Variants in CNBD2 observed in about 807,000 individuals in gnomAD.
CNBD2 encodes cyclic nucleotide binding domain containing 2.
CNBD2 carries 64 observed loss-of-function variants against 63.7 expected under a neutral mutation model. The observed-to-expected ratio is 1.00, with a 90% CI of 0.82 to 1.24. The LOEUF is 1.24. CNBD2 is among the 50% of genes most tolerant of loss of function. The pLI, the probability that CNBD2 is intolerant of heterozygous loss-of-function variation, is 0.00. For missense variants in CNBD2, 691 were observed against 713.5 expected (o/e 0.97, Z 0.36); for synonymous variants, 229 against 255.4 (o/e 0.90, Z 0.99).
In CNBD2 at chr20:35,975,972, A is replaced by G. The variant is rs143262184; in HGVS notation, c.213A>G (p.Thr71=). 7.3e-4 allele frequency: 1,177 copies of G among 1,613,300 alleles called. 22 individuals are homozygous for G. The East Asian group carries it at 0.022, about 30-fold the overall frequency. Residue 71 remains threonine (T), a synonymous_variant, in exon 3 of 12, where the codon ACA becomes ACG. Coordinates refer to ENST00000373973, the MANE Select transcript of CNBD2 (RefSeq NM_001365709.1). ...AGAAAAAGATGCAAAGCCGAGTCAC[A>G]TTTGATACCATGGACTTCATTGCAG... ...FWDKKMQSRV[T]FDTMDFIAEE... is the part of the protein sequence containing the mutation.
chr20:35,992,170 C>T (rs572399113), intron 7 of CNBD2, among the ~76,000 whole-genome samples: 11 of 152,150 alleles, frequency 7.2e-5, no homozygotes, highest in South Asian at 4.2e-4. Flanking sequence ...CATGAACCAC[C>T]GCGCCTGGCG....
chr20:36,027,366 C>T (rs561043011), intron 11 of CNBD2, among the ~76,000 whole-genome samples: 2 of 152,272 alleles, frequency 1.3e-5, no homozygotes, highest in South Asian at 4.1e-4. Context: ...ATCTTCATGA[C>T]CTTGAGCAGT....
At chr20:35,958,381 G>C (rs2056277900), downstream of CNBD2, among the ~76,000 whole-genome samples, 1 of 152,200 alleles carries the variant, frequency 6.6e-6, no homozygotes, top group Non-Finnish European at 1.5e-5. Context: ...GCAGTGAGCT[G>C]AGATCGTGCC....
chr20:36,018,254 G>A (rs1210526196), intron 10 of CNBD2, among the ~76,000 whole-genome samples: 1 of 152,170 alleles, frequency 6.6e-6, no homozygotes, highest in African/African-American at 2.4e-5. Context: ...GGCAGTGACA[G>A]GAGGGGAGGC....
intron 6 of CNBD2, among the ~76,000 whole-genome samples, chr20:35,987,132 G>C (rs1317637665): frequency 6.6e-6 from 1 of 152,156 alleles, no homozygotes; most frequent in Non-Finnish European, 1.5e-5. Context: ...AAAGCACAGA[G>C]GCTGGATCAC....
intron 6 of CNBD2, 117 bp from the exon 7 acceptor site, chr20:35,987,278 C>T (rs551147886): frequency 1.7e-5 from 20 of 1,156,572 alleles, no homozygotes; most frequent in Admixed American, 5.9e-5. Flanking sequence ...CAGGTAGCAG[C>T]GAAATCTTCC....
At chr20:35,980,837 T>C (rs2147233047) in intron 4 of CNBD2, among the ~76,000 whole-genome samples, 1 of 152,222 alleles carries the variant, frequency 6.6e-6, no homozygotes, top group East Asian at 1.9e-4. Flanking sequence ...CCATTAAATC[T>C]GGAGAGGATC....
At chr20:36,025,166 C>T (rs991790298) in intron 11 of CNBD2, among the ~76,000 whole-genome samples, 1 of 151,906 alleles carries the variant, frequency 6.6e-6, no homozygotes, top group Admixed American at 6.6e-5. Context: ...AAGGGTGGTA[C>T]AGAATTGTAC....
upstream of CNBD2, among the ~76,000 whole-genome samples, chr20:35,964,300 C>T (rs1413874061): frequency 6.6e-6 from 1 of 152,100 alleles, no homozygotes; most frequent in African/African-American, 2.4e-5. Flanking sequence ...CCTGTCTCGG[C>T]CTCCCTAATA....
upstream of CNBD2, chr20:35,954,420 G>A (rs549781220): frequency 3.2e-4 from 497 of 1,551,588 alleles, 1 homozygote; most frequent in Admixed American, 1.4e-3. Flanking sequence ...GTCGGACTCG[G>A]GACCGGCCGA....
At position 35,987,473 on chromosome 20, in the gene CNBD2, G is replaced by C. The variant is rs79513483; in HGVS notation, c.795G>C (p.Ser265=). 1.1e-5 allele frequency: 17 copies of C among 1,614,206 alleles called. No homozygotes were observed. The highest frequency in any genetic ancestry group is 1.2e-5 in the Non-Finnish European group (14 of 1,180,034). The part of the protein sequence containing the change: ...LVAMAKIERF[S]YGQLISKDFG... ...CCATGGCGAAGATAGAGAGGTTCTC[G>C]TATGGGCAGCTGATCTCAAAAGATT... Residue 265 remains serine (S), a synonymous_variant, in exon 7 of 12, where the codon TCG becomes TCC. Transcript: ENST00000373973.
chr20:35,980,668 G>A, intron 4 of CNBD2, 46 bp downstream of exon 4: 1 of 1,580,686 alleles, frequency 6.3e-7, no homozygotes, highest in East Asian at 2.2e-5. Context: ...AGGCTGGACT[G>A]AGCAAAAGAG....
At position 36,023,729 on chromosome 20, in the gene CNBD2, A is replaced by G; in HGVS notation, c.1397A>G (p.Glu466Gly). The change falls in exon 11 of 12, where the codon GAG becomes GGG. Residue 466 changes from glutamate to glycine, a missense_variant. By Grantham distance (98) the Glu-to-Gly change is moderately conservative. Coordinates refer to ENST00000373973, the MANE Select transcript of CNBD2 (RefSeq NM_001365709.1). ...IFYELIDNDD[E>G]MIKKLLKLNI... ...TATGAACTGATTGACAATGATGACG[A>G]GATGATAAAAAAGTTGTTAAAGCTC... 1 of 1,613,690 alleles carries G rather than the reference A, an allele frequency of 6.2e-7. No homozygotes were observed. The highest frequency in any genetic ancestry group is 8.5e-7 in the Non-Finnish European group (1 of 1,179,870).
chr20:36,026,383 G>A (rs1433446185), intron 11 of CNBD2, among the ~76,000 whole-genome samples: 1 of 152,008 alleles, frequency 6.6e-6, no homozygotes, highest in Non-Finnish European at 1.5e-5. Context: ...GTCTTATCAC[G>A]GGTTCCTCCC....
intron 1 of CNBD2, among the ~76,000 whole-genome samples, chr20:35,971,434 C>T (rs970650408): frequency 1.3e-5 from 2 of 151,880 alleles, no homozygotes; most frequent in African/African-American, 2.4e-5. Flanking sequence ...TTATTTGTCC[C>T]TAGAGTGCCT....
downstream of CNBD2, among the ~76,000 whole-genome samples, chr20:35,960,256 A>G (rs1411075030): frequency 1.3e-5 from 2 of 152,004 alleles, no homozygotes; most frequent in African/African-American, 2.4e-5. Flanking sequence ...CAGAAAGTAG[A>G]AGTACTAGCC....
upstream of CNBD2, chr20:35,954,609 G>T (rs551273283): frequency 1.5e-6 from 2 of 1,371,820 alleles, no homozygotes; most frequent in Non-Finnish European, 1.9e-6. Context: ...CGCGGTGCGG[G>T]AGGGCGAGCT....
chr20:36,019,087 T>C (rs2057172830), intron 10 of CNBD2, among the ~76,000 whole-genome samples: 1 of 152,110 alleles, frequency 6.6e-6, no homozygotes, highest in Non-Finnish European at 1.5e-5. Context: ...AACAAACAGA[T>C]AACTAGTAAA....
intron 3 of CNBD2, among the ~76,000 whole-genome samples, chr20:35,977,337 G>C (rs182326165): frequency 1.7e-3 from 265 of 152,258 alleles, no homozygotes; most frequent in Non-Finnish European, 2.7e-3. Flanking sequence ...TGGCATTACA[G>C]GTGTGCGCTG....
Sources: allele counts gnomAD v4.1 joint callset (sites outside exome capture counted in the v4.1 genomes callset), GRCh38; gene constraint gnomAD v4.1.1; transcripts MANE v1.5; gene names NCBI Gene and HGNC (gene_info 2026-07-23, HGNC 2026-07-21).